Variants in MAP3K15 observed in about 807,000 individuals in gnomAD.
MAP3K15 encodes MAPK/ERK kinase kinase 15.
In MAP3K15, 124 loss-of-function variants were observed where a neutral mutation model predicts 99.5. The ratio of observed to expected loss-of-function variants is 1.25; its 90% CI spans 1.08 to 1.45. MAP3K15 has a LOEUF of 1.45. Ranked by LOEUF, MAP3K15 falls within the 40% of genes most tolerant of loss-of-function variation. The pLI, the probability that MAP3K15 is intolerant of heterozygous loss-of-function variation, is 0.00. For synonymous variants in MAP3K15, 494 were observed against 439.6 expected (o/e 1.12, Z -1.55); for missense variants, 1,242 against 1,079.7 (o/e 1.15, Z -2.11).
intron 19 of MAP3K15, chrX:19,376,991 A>G (rs1208620445): frequency 8.9e-6 from 1 of 111,904 alleles, no homozygotes; most frequent in Non-Finnish European, 1.9e-5. Context: ...TAAAGACCCT[A>G]TTTCCAAAGA....
intron 3 of MAP3K15, among the ~76,000 whole-genome samples, chrX:19,469,676 T>A (rs2064193406): frequency 9.0e-6 from 1 of 111,176 alleles, no homozygotes; most frequent in South Asian, 3.8e-4. Flanking sequence ...ATATCCAGAA[T>A]CTACAATGAA....
At chrX:19,411,153 C>T (rs2063684242) in intron 11 of MAP3K15, among the ~76,000 whole-genome samples, 1 of 108,445 alleles carries the variant, frequency 9.2e-6, no homozygotes, top group African/African-American at 3.4e-5. Context: ...CACTGCACTC[C>T]AGCCTAGGTG....
chrX:19,448,597 A>G (rs746146810), intron 6 of MAP3K15, among the ~76,000 whole-genome samples: 3 of 109,744 alleles, frequency 2.7e-5, no homozygotes, highest in Non-Finnish European at 5.8e-5. Flanking sequence ...TGAGAAAAAC[A>G]TAAGGAACTG....
At chrX:19,388,740 G>A (rs893098331) in intron 18 of MAP3K15, among the ~76,000 whole-genome samples, 2 of 111,988 alleles carry the variant, frequency 1.8e-5, no homozygotes, top group African/African-American at 3.2e-5. Context: ...AACCAACGAT[G>A]TTTGCAGCCA....
At chrX:19,431,308 C>CA (rs2063879292) in intron 7 of MAP3K15, 130 bp downstream of exon 7, 1 of 590,967 alleles carries the variant, frequency 1.7e-6, no homozygotes, top group Admixed American at 4.2e-5. Flanking sequence ...TCCCAGACCA[C>CA]ATTTACTACA....
At chrX:19,506,738 GCTCT>G (rs948794208) in intron 1 of MAP3K15, among the ~76,000 whole-genome samples, 5 of 111,199 alleles carry the variant, frequency 4.5e-5, no homozygotes, top group Admixed American at 2.9e-4. Flanking sequence ...TGGCCAGGCT[GCTCT>G]CTAACTCCTG....
chrX:19,465,700 G>A (rs778343310), intron 3 of MAP3K15, among the ~76,000 whole-genome samples: 5 of 110,708 alleles, frequency 4.5e-5, no homozygotes, highest in African/African-American at 1.6e-4. Context: ...GTTGCATTGA[G>A]CCTAGATCGC....
At chrX:19,452,345 G>GAAGAGA (rs1555958957) in intron 6 of MAP3K15, among the ~76,000 whole-genome samples, 8 of 9,384 alleles carry the variant, frequency 8.5e-4, no homozygotes, top group Admixed American at 2.8e-3. Context: ...GAAGAGAAGA[G>GAAGAGA]AAGAGAAAGA....
In MAP3K15 at chrX:19,413,297, T is replaced by C. The variant is rs756801451; in HGVS notation, c.1698+60A>G. ...CATGGGTGCCTTTTCCTTCAAATAC[T>C]ACCATCTAGACTCTCCTATTTGAAA... On this transcript the variant is annotated intron_variant, in intron 11 of 28. Coordinates refer to ENST00000338883, the MANE Select transcript of MAP3K15 (RefSeq NM_001001671.4). The C allele has an allele frequency of 2.5e-5, 22 of 866,917 alleles. No individual in the cohort carries two copies. The East Asian group carries it at 3.6e-4, about 14-fold the overall frequency. The allele number at this position is 866,917 out of a possible 1,213,427, so 71.4% of individuals were successfully genotyped here.
At chrX:19,423,812 G>A (rs748895115) in intron 9 of MAP3K15, among the ~76,000 whole-genome samples, 128 of 111,483 alleles carry the variant, frequency 1.1e-3, no homozygotes, top group African/African-American at 3.9e-3. Context: ...ATTCATCTTC[G>A]GGGCCCTGGG....
At chrX:19,408,081 A>G (rs1427667746) in intron 12 of MAP3K15, among the ~76,000 whole-genome samples, 1 of 112,357 alleles carries the variant, frequency 8.9e-6, no homozygotes, top group Non-Finnish European at 1.9e-5. Context: ...GAGGAGATTC[A>G]AAAAGAATTA....
At chrX:19,398,118 T>G in intron 15 of MAP3K15, 108 bp downstream of exon 15, 1 of 913,174 alleles carries the variant, frequency 1.1e-6, no homozygotes, top group South Asian at 2.5e-5. Context: ...ACAGGTTTTG[T>G]GGTAACACAA....
chrX:19,379,387 C>T (rs1194893106), intron 19 of MAP3K15, among the ~76,000 whole-genome samples: 1 of 102,677 alleles, frequency 9.7e-6, no homozygotes, highest in East Asian at 3.1e-4. Context: ...TTGATGGTGG[C>T]TTCACTCCAA....
intron 5 of MAP3K15, among the ~76,000 whole-genome samples, chrX:19,458,615 G>A (rs754423044): frequency 4.6e-4 from 51 of 111,975 alleles, no homozygotes; most frequent in Non-Finnish European, 7.7e-4. Flanking sequence ...GGGAGTCGGA[G>A]GTTGCAGTGA....
chrX:19,412,523 C>T (rs1050039419), intron 11 of MAP3K15, among the ~76,000 whole-genome samples: 1 of 110,778 alleles, frequency 9.0e-6, no homozygotes, highest in Non-Finnish European at 1.9e-5. Flanking sequence ...AAAGGGTAGA[C>T]AGGAGCTCCC....
At chrX:19,387,792 C>T (rs758085524) in intron 18 of MAP3K15, among the ~76,000 whole-genome samples, 1 of 112,354 alleles carries the variant, frequency 8.9e-6, no homozygotes, top group African/African-American at 3.2e-5. Context: ...AAACGCAGTC[C>T]TCCACGATCT....
intron 1 of MAP3K15, chrX:19,496,842 C>T (rs764106839): frequency 8.9e-6 from 1 of 112,001 alleles, no homozygotes; most frequent in Non-Finnish European, 1.9e-5. Flanking sequence ...GCTGATTTCA[C>T]CCATTCTGTG....
intron 23 of MAP3K15, 108 bp from the exon 24 acceptor site, chrX:19,371,172 A>G (rs1224489526): frequency 1.0e-5 from 8 of 784,349 alleles, no homozygotes; most frequent in African/African-American, 4.3e-5. Context: ...TGGGGGCCGC[A>G]TGCAATCAGC....
intron 9 of MAP3K15, among the ~76,000 whole-genome samples, chrX:19,424,189 T>TACAC (rs1299300829): frequency 2.8e-5 from 3 of 107,363 alleles, no homozygotes; most frequent in African/African-American, 1.0e-4. Context: ...AAATCATGTA[T>TACAC]ATATACACAC....
Sources: allele counts gnomAD v4.1 joint callset (sites outside exome capture counted in the v4.1 genomes callset), GRCh38; gene constraint gnomAD v4.1.1; transcripts MANE v1.5; gene names NCBI Gene and HGNC (gene_info 2026-07-23, HGNC 2026-07-21).